Variants in GALNTL6 observed in about 807,000 individuals in gnomAD.
The protein encoded by GALNTL6 is polypeptide N-acetylgalactosaminyltransferase-like 6.
GALNTL6 carries 46 observed loss-of-function variants against 73.7 expected under a neutral mutation model. The ratio of observed to expected loss-of-function variants is 0.62; its 90% CI spans 0.49 to 0.80. GALNTL6 has a LOEUF of 0.80. Ranked by LOEUF, GALNTL6 falls within the 30% of genes least tolerant of loss-of-function variation. The pLI is 0.00. For missense variants in GALNTL6, 604 were observed against 755.0 expected (o/e 0.80, Z 2.34); for synonymous variants, 259 against 263.7 (o/e 0.98, Z 0.17).
chr4:172,430,795 C>T (rs1290511901), intron 5 of GALNTL6, among the ~76,000 whole-genome samples: 2 of 151,524 alleles, frequency 1.3e-5, no homozygotes, highest in Admixed American at 1.3e-4. Flanking sequence ...ACAGTGAAAC[C>T]CTATCTCTAA....
intron 2 of GALNTL6, among the ~76,000 whole-genome samples, chr4:171,845,947 T>C (rs558327543): frequency 6.6e-6 from 1 of 152,304 alleles, no homozygotes; most frequent in African/African-American, 2.4e-5. Context: ...TTTTCTTATA[T>C]AATATTTCTA....
At chr4:171,859,878 A>G (rs1735785971) in intron 2 of GALNTL6, among the ~76,000 whole-genome samples, 1 of 152,234 alleles carries the variant, frequency 6.6e-6, no homozygotes, top group Non-Finnish European at 1.5e-5. Context: ...CATAGGTCAC[A>G]TGGTTAAGGT....
intron 3 of GALNTL6, among the ~76,000 whole-genome samples, chr4:172,291,806 G>A (rs73870068): frequency 0.015 from 2,333 of 151,664 alleles, 59 homozygotes; most frequent in African/African-American, 0.052. Context: ...TATACAAGAG[G>A]CTAAAAAAAA....
At chr4:172,273,025 CT>C (rs1048825067) in intron 3 of GALNTL6, among the ~76,000 whole-genome samples, 1 of 141,032 alleles carries the variant, frequency 7.1e-6, no homozygotes. Flanking sequence ...TATCTAAGGA[CT>C]TTTTTGCTTT....
chr4:171,840,484 A>T (rs1021485097), intron 2 of GALNTL6, among the ~76,000 whole-genome samples: 1 of 152,156 alleles, frequency 6.6e-6, no homozygotes, highest in Non-Finnish European at 1.5e-5. Flanking sequence ...GCCTCTCTCC[A>T]CACAGGCCTT....
chr4:172,225,375 T>G (rs1736819267), intron 2 of GALNTL6, among the ~76,000 whole-genome samples: 1 of 152,090 alleles, frequency 6.6e-6, no homozygotes, highest in East Asian at 1.9e-4. Flanking sequence ...ATGAAAAAGA[T>G]TCTTCAGTAG....
At position 172,758,088 on chromosome 4, in the gene GALNTL6, A is replaced by G. The variant is rs148823149; in HGVS notation, c.554-51273A>G. The stretch of plus-strand genomic sequence containing the variant: ...AGGTAACCAGTATCATAAAGATGGC[A>G]TACACTTCTAGTCCATCTTTATGTG... On this transcript the variant is annotated intron_variant, in intron 5 of 12. Coordinates refer to ENST00000506823, the MANE Select transcript of GALNTL6 (RefSeq NM_001034845.3). 1.4e-3 allele frequency among the ~76,000 whole-genome samples: 220 copies of G among 152,304 alleles called. 1 individual carries two copies. Among genetic ancestry groups the G allele is most frequent in the African/African-American group, 5.1e-3 (211 of 41,570 alleles).
At chr4:172,922,025 G>C (rs1579657800) in intron 8 of GALNTL6, among the ~76,000 whole-genome samples, 1 of 152,266 alleles carries the variant, frequency 6.6e-6, no homozygotes, top group Non-Finnish European at 1.5e-5. Flanking sequence ...GGGACCCAGG[G>C]GGAGGTAATT....
chr4:171,920,596 C>T (rs912594119), intron 2 of GALNTL6, among the ~76,000 whole-genome samples: 2 of 151,944 alleles, frequency 1.3e-5, no homozygotes, highest in African/African-American at 4.8e-5. Flanking sequence ...ATATGATGAA[C>T]ATCATTAACA....
chr4:172,640,885 A>C (rs1739942797), intron 5 of GALNTL6, among the ~76,000 whole-genome samples: 1 of 152,054 alleles, frequency 6.6e-6, no homozygotes, highest in African/African-American at 2.4e-5. Context: ...TCCTCCCCAA[A>C]TTCAGATTCA....
intron 5 of GALNTL6, among the ~76,000 whole-genome samples, chr4:172,404,437 T>C (rs1744141505): frequency 6.6e-6 from 1 of 152,056 alleles, no homozygotes. Flanking sequence ...TGAATCTTAC[T>C]CAATTCTCGT....
At position 172,627,376 on chromosome 4, in the gene GALNTL6, G is replaced by A. The variant is rs184300021; in HGVS notation, c.554-181985G>A. On this transcript the variant is annotated intron_variant, in intron 5 of 12. Coordinates refer to ENST00000506823, the MANE Select transcript of GALNTL6 (RefSeq NM_001034845.3). ...TCTTAGTGAATTAACTTTTTGATGC[G>A]CTGTGGATTCAACTTGCAAGTGTTT... 3.7e-4 allele frequency among the ~76,000 whole-genome samples: 57 copies of A among 152,092 alleles called. 1 individual carries two copies. The highest frequency in any genetic ancestry group is 1.2e-3 in the African/African-American group (49 of 41,498).
At chr4:171,879,387 G>A (rs1193841766) in intron 2 of GALNTL6, among the ~76,000 whole-genome samples, 1 of 151,972 alleles carries the variant, frequency 6.6e-6, no homozygotes, top group African/African-American at 2.4e-5. Context: ...CATTTTTATA[G>A]AACCTGCACG....
Position 172,500,349 on chromosome 4 carries a change from A to C in GALNTL6, c.553+151660A>C, listed in dbSNP as rs567736546. Among the ~76,000 whole-genome samples, 31 of 152,298 alleles carry C rather than the reference A, an allele frequency of 2.0e-4. 1 individual carries two copies. The East Asian group carries it at 5.8e-3, about 29-fold the overall frequency. ...GACAGGAGGATGGCTTGAGCCTGGAAGATCGAGGCTGTAGTGAGCCATAAT... is the reference window on the plus strand; with the variant it reads ...GACAGGAGGATGGCTTGAGCCTGGACGATCGAGGCTGTAGTGAGCCATAAT... On this transcript the variant is annotated intron_variant, in intron 5 of 12. Transcript: ENST00000506823.
intron 2 of GALNTL6, among the ~76,000 whole-genome samples, chr4:172,046,999 G>A (rs1167902264): frequency 6.6e-6 from 1 of 152,050 alleles, no homozygotes; most frequent in Non-Finnish European, 1.5e-5. Context: ...GACGTCAAGG[G>A]GATGAGGTTC....
chr4:172,791,553 G>C (rs1739994428), intron 5 of GALNTL6, among the ~76,000 whole-genome samples: 1 of 152,166 alleles, frequency 6.6e-6, no homozygotes, highest in Non-Finnish European at 1.5e-5. Flanking sequence ...AAGAATCTGA[G>C]TGGTTTCCTT....
chr4:172,439,598 T>C (rs550803709), intron 5 of GALNTL6, among the ~76,000 whole-genome samples: 102 of 151,892 alleles, frequency 6.7e-4, no homozygotes, highest in African/African-American at 2.4e-3. Context: ...TGGCTTGAAA[T>C]ACCATGTAAA....
intron 5 of GALNTL6, among the ~76,000 whole-genome samples, chr4:172,359,099 C>T (rs1392475251): frequency 6.6e-6 from 1 of 152,178 alleles, no homozygotes; most frequent in Non-Finnish European, 1.5e-5. Flanking sequence ...CACTGCAGCA[C>T]TATTCACATT....
At chr4:172,266,979 G>A (rs1231648100) in intron 3 of GALNTL6, among the ~76,000 whole-genome samples, 4 of 151,984 alleles carry the variant, frequency 2.6e-5, no homozygotes, top group Admixed American at 1.3e-4. Context: ...TAGAAGATGG[G>A]GTCCGGGGAA....
Sources: gnomAD v4.1 joint callset for allele counts (sites outside exome capture counted in the v4.1 genomes callset) on GRCh38, gnomAD v4.1.1 for gene constraint, MANE v1.5 for transcripts, NCBI Gene and HGNC (gene_info 2026-07-23, HGNC 2026-07-21) for gene names.